The following GTF3C2 variants were observed in gnomAD, a reference collection of about 807,000 sequenced individuals.
GTF3C2 encodes the protein general transcription factor 3C polypeptide 2.
GTF3C2 carries 17 observed loss-of-function variants against 117.4 expected under a neutral mutation model. The observed-to-expected ratio is 0.14, with a 90% CI of 0.10 to 0.22. The LOEUF is 0.22. Ranked by LOEUF, GTF3C2 falls within the 10% of genes least tolerant of loss-of-function variation. The pLI is 1.00. For synonymous variants in GTF3C2, 437 were observed against 427.0 expected (o/e 1.02, Z -0.29); for missense variants, 888 against 1,143.6 (o/e 0.78, Z 3.22).
intron 1 of GTF3C2, among the ~76,000 whole-genome samples, chr2:27,344,940 G>A (rs761021969): frequency 6.6e-6 from 1 of 151,606 alleles, no homozygotes; most frequent in African/African-American, 2.4e-5. Context: ...AGCTATGATG[G>A]TGTTACCATA....
chr2:27,345,534 AG>A (rs1458960796), intron 1 of GTF3C2, among the ~76,000 whole-genome samples: 3 of 151,326 alleles, frequency 2.0e-5, no homozygotes, highest in Non-Finnish European at 4.4e-5. Flanking sequence ...TGGAGGTTGC[AG>A]CGAGCCGAGA....
chr2:27,336,623 T>A, intron 7 of GTF3C2, 198 bp from the exon 8 acceptor site: 1 of 538,172 alleles, frequency 1.9e-6, no homozygotes, highest in Non-Finnish European at 3.3e-6. Context: ...TCTTATATTA[T>A]TATTATTTGA....
intron 4 of GTF3C2, among the ~76,000 whole-genome samples, chr2:27,338,599 T>C (rs1368775402): frequency 6.6e-6 from 1 of 152,142 alleles, no homozygotes; most frequent in Non-Finnish European, 1.5e-5. Flanking sequence ...GGCGCAATCT[T>C]GGCTCACTGC....
intron 11 of GTF3C2, 85 bp downstream of exon 11, chr2:27,333,889 A>G: frequency 6.9e-7 from 1 of 1,457,212 alleles, no homozygotes; most frequent in Non-Finnish European, 9.6e-7. Flanking sequence ...ATTTTTCAGA[A>G]GTATAAGGAG....
At chr2:27,331,150 GCACT>G (rs1272033664) in intron 12 of GTF3C2, among the ~76,000 whole-genome samples, 1 of 152,152 alleles carries the variant, frequency 6.6e-6, no homozygotes, top group Non-Finnish European at 1.5e-5. Flanking sequence ...ACTGGTAGAG[GCACT>G]CAATCAAGTT....
chr2:27,328,286 AAGT>A (rs1490934104), intron 16 of GTF3C2, 97 bp from the exon 17 acceptor site: 13 of 1,069,658 alleles, frequency 1.2e-5, no homozygotes, highest in Admixed American at 4.6e-5. Context: ...AGATGGAAAA[AAGT>A]AGTATCTTTA....
chr2:27,336,475 T>A, intron 7 of GTF3C2, 50 bp from the exon 8 acceptor site: 1 of 1,165,434 alleles, frequency 8.6e-7, no homozygotes, highest in Non-Finnish European at 1.3e-6. Flanking sequence ...TGAAAGGTAA[T>A]GAGGACTGAA....
Position 27,335,868 on chromosome 2 carries a change from T to G in GTF3C2, c.1467+49A>C, listed in dbSNP as rs745467303. 9.9e-6 allele frequency: 13 copies of G among 1,307,040 alleles called. No individual in the cohort carries two copies. The African/African-American group carries it at 1.9e-4, about 19-fold the overall frequency. The allele number at this position is 1,307,040 out of a possible 1,614,324, so 81.0% of individuals were successfully genotyped here. Reference sequence around the variant, plus strand: ...ACTCTAAGAATTCCCAGGGCCTCTTTGTCCTGGCTTTGAGTCCTAGGGCCA... The same window carrying G: ...ACTCTAAGAATTCCCAGGGCCTCTTGGTCCTGGCTTTGAGTCCTAGGGCCA... On this transcript the variant is annotated intron_variant, in intron 9 of 18. Transcript: ENST00000264720.
exon 10 of GTF3C2, chr2:27,335,644 T>C (rs748689671): frequency 1.7e-5 from 27 of 1,560,148 alleles, no homozygotes; most frequent in African/African-American, 1.1e-4. Context: ...GTAGACTGAA[T>C]AGCAGTACTT....
At position 27,346,664 on chromosome 2, in the gene GTF3C2, T is replaced by C. The variant is rs984128084; in HGVS notation, c.-24-3086A>G. Among the ~76,000 whole-genome samples the C allele has an allele frequency of 2.6e-5, 4 of 152,066 alleles. No individual in the cohort carries two copies. In the East Asian group the frequency reaches 7.7e-4, roughly 29 times the overall value. ...CTGGGATTACAGGCATAAACCACTATGCCTTGCCTTTTTTAATTTTTAAAA... is the reference window on the plus strand; with the variant it reads ...CTGGGATTACAGGCATAAACCACTACGCCTTGCCTTTTTTAATTTTTAAAA... On this transcript the variant is annotated intron_variant, in intron 1 of 18. Transcript: ENST00000264720.
chr2:27,356,113 T>C (rs753103185), intron 1 of GTF3C2: 2 of 1,288,996 alleles, frequency 1.6e-6, no homozygotes, highest in South Asian at 1.2e-5. Flanking sequence ...ACAAAGTGAG[T>C]TGCCTCCGAC....
At chr2:27,336,304 G>C in exon 8 of GTF3C2, 1 of 1,614,018 alleles carries the variant, frequency 6.2e-7, no homozygotes. Context: ...CTGGAGAAAA[G>C]AGCCACATAT....
intron 12 of GTF3C2, 38 bp downstream of exon 12, chr2:27,333,617 G>A (rs751372634): frequency 6.9e-7 from 1 of 1,458,646 alleles, no homozygotes; most frequent in Non-Finnish European, 9.5e-7. Context: ...AAAATTTAAA[G>A]AGCAATAGTT....
At chr2:27,335,983 G>C (rs754306848) in exon 9 of GTF3C2, 1 of 1,613,770 alleles carries the variant, frequency 6.2e-7, no homozygotes. Flanking sequence ...AGATGCAGCC[G>C]TTGTCACAAG....
At chr2:27,334,040 A>G (rs1397044533) in intron 10 of GTF3C2, 41 bp from the exon 11 acceptor site, 3 of 1,504,050 alleles carry the variant, frequency 2.0e-6, no homozygotes, top group Non-Finnish European at 2.8e-6. Flanking sequence ...ATGGATCCCA[A>G]GGACTCAGCA....
At chr2:27,337,808 T>C (rs1474568783) in intron 5 of GTF3C2, 118 bp downstream of exon 5, 3 of 739,838 alleles carry the variant, frequency 4.1e-6, no homozygotes, top group Non-Finnish European at 7.3e-6. Context: ...TAGTAATGAA[T>C]GTCATCACGG....
Position 27,327,331 on chromosome 2 carries a change from T to C in GTF3C2, c.2410-47A>G, listed in dbSNP as rs528359564. ...GGAGAGAGAAAGTGAGACGCTCGTTTGTTTTTTTTAAGACGGAGTCTCGCT... is the reference window on the plus strand; with the variant it reads ...GGAGAGAGAAAGTGAGACGCTCGTTCGTTTTTTTTAAGACGGAGTCTCGCT... On this transcript the variant is annotated intron_variant, in intron 17 of 18. Coordinates refer to ENST00000264720, the Ensembl canonical transcript of GTF3C2. 2.2e-5 allele frequency: 23 copies of C among 1,057,022 alleles called. No homozygotes were observed. In the African/African-American group the frequency reaches 3.0e-4, roughly 14 times the overall value. 65.5% of individuals were successfully genotyped at this position (1,057,022 alleles called of 1,614,324 possible).
At chr2:27,349,660 A>C (rs1315522298) in intron 1 of GTF3C2, among the ~76,000 whole-genome samples, 1 of 150,860 alleles carries the variant, frequency 6.6e-6, no homozygotes, top group Non-Finnish European at 1.5e-5. Context: ...TTTTTTTGAG[A>C]CGGAGCCTCT....
chr2:27,356,573 G>C (rs1215629963), intron 1 of GTF3C2, 166 bp downstream of exon 1: 4 of 187,104 alleles, frequency 2.1e-5, no homozygotes, highest in Admixed American at 5.3e-5. Flanking sequence ...GGAAGGTGCG[G>C]AGCATGATGG....
Sources: allele counts gnomAD v4.1 joint callset (sites outside exome capture counted in the v4.1 genomes callset), GRCh38; gene constraint gnomAD v4.1.1; transcripts MANE v1.5; gene names NCBI Gene and HGNC (gene_info 2026-07-23, HGNC 2026-07-21).